SLCO3A1: variants seen among roughly 807,000 people sequenced by gnomAD.
SLCO3A1 encodes solute carrier organic anion transporter family member 3A1.
Under a neutral mutation model 63.1 loss-of-function variants are expected in SLCO3A1, and 27 were observed. The observed-to-expected ratio is 0.43, with a 90% confidence interval of 0.32 to 0.59. The LOEUF (loss-of-function observed/expected upper bound fraction) is 0.59. Ranked by LOEUF, SLCO3A1 falls within the 20% of genes least tolerant of loss-of-function variation. The pLI is 0.09. For missense variants in SLCO3A1, 773 were observed against 945.8 expected (o/e 0.82, Z 2.40); for synonymous variants, 473 against 409.9 (o/e 1.15, Z -1.86).
chr15:91,878,772 T>C (rs192485983), intron 1 of SLCO3A1, among the ~76,000 whole-genome samples: 31 of 152,334 alleles, frequency 2.0e-4, no homozygotes, highest in Admixed American at 1.6e-3. Flanking sequence ...GAAATACTTA[T>C]AGTAACTGAA....
Position 92,147,149 on chromosome 15 carries a change from A to G in SLCO3A1, c.1678A>G (p.Ile560Val), listed in dbSNP as rs141187463. The change falls in exon 8 of 10, where the codon ATC (isoleucine) becomes GTC (valine). Residue 560 changes from isoleucine (I) to valine (V), a missense_variant. Around this residue, in one of 3 missense-constraint regions of SLCO3A1, gnomAD observed 565 missense variants for 749.8 expected, o/e 0.75. Coordinates refer to ENST00000318445, the MANE Select transcript of SLCO3A1 (RefSeq NM_013272.4). Reference sequence around the variant, plus strand: ...CATGGCACAGACACCCTCAGTCATCATCCTCATCAGGTAAGCCCTCGGCAC... The same window carrying G: ...CATGGCACAGACACCCTCAGTCATCGTCCTCATCAGGTAAGCCCTCGGCAC... ...GAMAQTPSVI[I>V]LIRTVSPELK... 3.6e-3 allele frequency: 5,810 copies of G among 1,611,904 alleles called. 15 individuals are homozygous for G. Among genetic ancestry groups the G allele is most frequent in the Non-Finnish European group, 4.4e-3 (5,210 of 1,179,280 alleles).
intron 1 of SLCO3A1, among the ~76,000 whole-genome samples, chr15:91,909,201 G>A (rs1461552921): frequency 6.6e-6 from 1 of 152,234 alleles, no homozygotes; most frequent in African/African-American, 2.4e-5. Context: ...CCAGGCACGG[G>A]AATAGTGTGA....
intron 1 of SLCO3A1, among the ~76,000 whole-genome samples, chr15:91,891,516 C>T (rs1178724012): frequency 6.6e-6 from 1 of 152,176 alleles, no homozygotes; most frequent in East Asian, 1.9e-4. Flanking sequence ...TGCTTCTTTT[C>T]CTCCCTCTTA....
intron 2 of SLCO3A1, among the ~76,000 whole-genome samples, chr15:92,080,300 C>G (rs1483489043): frequency 6.6e-6 from 1 of 152,178 alleles, no homozygotes; most frequent in East Asian, 1.9e-4. Flanking sequence ...GCTGTACTGC[C>G]CCTATGGAAA....
intron 1 of SLCO3A1, among the ~76,000 whole-genome samples, chr15:91,909,170 C>A (rs1255100295): frequency 6.6e-6 from 1 of 152,164 alleles, no homozygotes; most frequent in African/African-American, 2.4e-5. Context: ...ATATACTTAC[C>A]AATGGCCAGT....
At chr15:92,051,784 T>TA (rs1441985952) in intron 2 of SLCO3A1, among the ~76,000 whole-genome samples, 2 of 152,148 alleles carry the variant, frequency 1.3e-5, no homozygotes, top group South Asian at 2.1e-4. Flanking sequence ...AGAAGACACT[T>TA]ACATTTTCCA....
intron 2 of SLCO3A1, among the ~76,000 whole-genome samples, chr15:91,973,336 C>T (rs1340511641): frequency 6.6e-6 from 1 of 152,178 alleles, no homozygotes; most frequent in Non-Finnish European, 1.5e-5. Flanking sequence ...CTCCATTCTG[C>T]TGATGAAGAG....
intron 2 of SLCO3A1, among the ~76,000 whole-genome samples, chr15:91,940,981 C>T (rs1899599963): frequency 6.6e-6 from 1 of 152,074 alleles, no homozygotes; most frequent in Non-Finnish European, 1.5e-5. Flanking sequence ...TTGGGCTTTG[C>T]CACCCTGCCG....
chr15:91,854,493 A>T lies in SLCO3A1; in HGVS notation c.180+405A>T. ...CTGCACATGGGAAGAAAAACCAGTT[A>T]GCATCCTGCGTCCTCTACTCTCCAT... On this transcript the variant is annotated intron_variant, in intron 1 of 9. Transcript: ENST00000318445. This position sits in a 1 kb window ranked among gnomAD's most constrained non-coding sequence, Gnocchi z 6.4. The T allele has an allele frequency of 2.3e-6, 1 of 428,672 alleles. No individual in the cohort carries two copies. Among genetic ancestry groups the T allele is most frequent in the Non-Finnish European group, 3.1e-6 (1 of 317,812 alleles). 26.6% of individuals were successfully genotyped at this position (428,672 alleles called of 1,614,324 possible). A position where few individuals can be genotyped will look rare whatever the true frequency, so the allele number is the denominator to read the frequency against.
At chr15:91,932,981 CT>C (rs2048986942) in intron 2 of SLCO3A1, among the ~76,000 whole-genome samples, 1 of 152,128 alleles carries the variant, frequency 6.6e-6, no homozygotes, top group Non-Finnish European at 1.5e-5. Context: ...ATCATTACTC[CT>C]TTGATTGCTT....
intron 1 of SLCO3A1, among the ~76,000 whole-genome samples, chr15:91,901,206 T>C (rs1482988333): frequency 6.6e-6 from 1 of 152,230 alleles, no homozygotes; most frequent in Non-Finnish European, 1.5e-5. Context: ...TATCACAGTG[T>C]ACTTCAGATC....
chr15:91,879,453 T>C (rs546720456), intron 1 of SLCO3A1, among the ~76,000 whole-genome samples: 4 of 152,298 alleles, frequency 2.6e-5, no homozygotes, highest in African/African-American at 9.6e-5. Flanking sequence ...GAAATTTATA[T>C]GACACTTGGG....
At chr15:91,988,009 C>G (rs1390772088) in intron 2 of SLCO3A1, among the ~76,000 whole-genome samples, 3 of 152,146 alleles carry the variant, frequency 2.0e-5, no homozygotes, top group Non-Finnish European at 4.4e-5. Context: ...TTTACAAACC[C>G]ATGTCTGTAC....
rs1597059431 is a variant in SLCO3A1, at chr15:91,856,111, T to C, written c.180+2023T>C. ...AGGGCTGGCCCCAGGAGATAGGAGGTTGACTTTAATCCCAGAACAGGGGAA... is the reference window on the plus strand; with the variant it reads ...AGGGCTGGCCCCAGGAGATAGGAGGCTGACTTTAATCCCAGAACAGGGGAA... On this transcript the variant is annotated intron_variant, in intron 1 of 9. Coordinates refer to ENST00000318445, the MANE Select transcript of SLCO3A1 (RefSeq NM_013272.4). The surrounding 1 kb of genome is among the most constrained non-coding windows in gnomAD (Gnocchi z 4.9). Among the ~76,000 whole-genome samples the C allele has an allele frequency of 6.7e-6, 1 of 149,930 alleles. No individual in the cohort carries two copies. Among genetic ancestry groups the C allele is most frequent in the South Asian group, 2.1e-4 (1 of 4,692 alleles).
chr15:92,039,259 A>G (rs1054192071), intron 2 of SLCO3A1, among the ~76,000 whole-genome samples: 6 of 152,230 alleles, frequency 3.9e-5, no homozygotes, highest in African/African-American at 7.2e-5. Context: ...GAGCTTCTGC[A>G]TAGCAAAAGA....
intron 2 of SLCO3A1, among the ~76,000 whole-genome samples, chr15:91,923,065 T>C (rs888050586): frequency 6.6e-6 from 1 of 152,112 alleles, no homozygotes; most frequent in Non-Finnish European, 1.5e-5. Flanking sequence ...AGTCTTGAAA[T>C]TGAAATCCTG....
At chr15:92,037,084 C>T (rs978269169) in intron 2 of SLCO3A1, among the ~76,000 whole-genome samples, 2 of 152,140 alleles carry the variant, frequency 1.3e-5, no homozygotes, top group South Asian at 2.1e-4. Context: ...ATATGCAATA[C>T]GGTAGCATCA....
At chr15:92,034,566 G>A (rs59528323) in intron 2 of SLCO3A1, among the ~76,000 whole-genome samples, 63,926 of 151,340 alleles carry the variant, frequency 0.42, 15,648 homozygotes, top group Admixed American at 0.6. Context: ...AGAAGAGGAA[G>A]ACCTGGCCCA....
At chr15:92,063,392 T>C (rs1434381828) in intron 2 of SLCO3A1, among the ~76,000 whole-genome samples, 1 of 152,192 alleles carries the variant, frequency 6.6e-6, no homozygotes, top group Non-Finnish European at 1.5e-5. Context: ...AAATCCCAGC[T>C]CTGCCACCTG....
Sources: gnomAD v4.1 joint callset for allele counts (sites outside exome capture counted in the v4.1 genomes callset) on GRCh38, gnomAD v4.1.1 for gene constraint, gnomAD v4.1.1 regional missense constraint, Gnocchi (gnomAD v3.1) non-coding constraint, MANE v1.5 for transcripts, NCBI Gene and HGNC (gene_info 2026-07-23, HGNC 2026-07-21) for gene names.